ZNF732: variants seen among roughly 807,000 people sequenced by gnomAD.
The protein encoded by ZNF732 is zinc finger protein LOC654254.
A neutral mutation model predicts 11.5 loss-of-function variants in ZNF732; 12 were observed. The observed-to-expected ratio is 1.05, with a 90% confidence interval of 0.67 to 1.70. The LOEUF (loss-of-function observed/expected upper bound fraction) is 1.70, where lower values mean the gene tolerates loss of function less well. Among genes scored for constraint, ZNF732 ranks in the 40% most tolerant of loss-of-function variants. ZNF732 has a pLI of 0.00. For missense variants in ZNF732, 702 were observed against 676.9 expected, an observed-to-expected ratio of 1.04 and a Z score of -0.41; for synonymous variants, 231 against 236.5, an observed-to-expected ratio of 0.98 and a Z score of 0.21.
intron 3 of ZNF732, among the ~76,000 whole-genome samples, chr4:286,564 A>C (rs7697560): frequency 0.015 from 2,239 of 152,358 alleles, 63 homozygotes; most frequent in African/African-American, 0.052. Context: ...AGTGCTATGT[A>C]ATTCCACTTA....
At chr4:283,002 G>A (rs943429113) in intron 3 of ZNF732, among the ~76,000 whole-genome samples, 13 of 152,222 alleles carry the variant, frequency 8.5e-5, no homozygotes, top group African/African-American at 2.9e-4. Flanking sequence ...AAATCACATT[G>A]CTATGGTTTG....
chr4:294,338 C>T (rs1160454154), intron 3 of ZNF732, among the ~76,000 whole-genome samples: 1 of 152,174 alleles, frequency 6.6e-6, no homozygotes, highest in Non-Finnish European at 1.5e-5. Flanking sequence ...TGCTTCACTT[C>T]GTTTCCAAGA....
chr4:295,426 A>G lies in ZNF732; in HGVS notation c.226+12T>C. 2 of 1,594,906 alleles carry G rather than the reference A, an allele frequency of 1.3e-6. No homozygotes were observed. Among genetic ancestry groups the G allele is most frequent in the Non-Finnish European group, 1.7e-6 (2 of 1,169,874 alleles). On this transcript the variant is annotated intron_variant, in intron 3 of 3. Coordinates refer to ENST00000419098, the MANE Select transcript of ZNF732 (RefSeq NM_001137608.3). Reference sequence around the variant, plus strand: ...CTGGCCTGTGTCCTCTCCTTCATTCACTGTCACCTACCTGGGTGTTTGGCT... The same window carrying G: ...CTGGCCTGTGTCCTCTCCTTCATTCGCTGTCACCTACCTGGGTGTTTGGCT...
At chr4:279,566 A>C (rs1719575973) in intron 3 of ZNF732, among the ~76,000 whole-genome samples, 1 of 152,164 alleles carries the variant, frequency 6.6e-6, no homozygotes, top group African/African-American at 2.4e-5. Context: ...GAAGAGAAAA[A>C]AATGGCAGTT....
chr4:282,113 A>G (rs6810785), intron 3 of ZNF732, among the ~76,000 whole-genome samples: 9,189 of 152,258 alleles, frequency 0.06, 462 homozygotes, highest in African/African-American at 0.14. Context: ...GGAAAAATCA[A>G]CAAACTTAAA....
intron 3 of ZNF732, among the ~76,000 whole-genome samples, chr4:276,527 TCA>T (rs1470806347): frequency 2.0e-5 from 3 of 151,850 alleles, no homozygotes; most frequent in South Asian, 2.1e-4. Flanking sequence ...GTTTCTTAAA[TCA>T]CAAAGACATG....
rs187531435 is a variant in ZNF732, at chr4:278,183, G to A, written c.227-5553C>T. Among the ~76,000 whole-genome samples, 7 of 152,230 alleles carry A rather than the reference G, an allele frequency of 4.6e-5. No individual in the cohort carries two copies. In the East Asian group the frequency reaches 1.4e-3, roughly 29 times the overall value. On this transcript the variant is annotated intron_variant, in intron 3 of 3. Coordinates refer to ENST00000419098, the MANE Select transcript of ZNF732 (RefSeq NM_001137608.3). ...ATCTAATATAAACATTTATGAGGAA[G>A]GCTTTATGCAACTAGTCTCAACAAT...
At chr4:293,178 G>A (rs1719876545) in intron 3 of ZNF732, among the ~76,000 whole-genome samples, 1 of 143,468 alleles carries the variant, frequency 7.0e-6, no homozygotes, top group African/African-American at 2.6e-5. Flanking sequence ...TTAGCACCTT[G>A]AAGAAATATC....
intron 1 of ZNF732, among the ~76,000 whole-genome samples, chr4:298,897 A>C (rs1410243011): frequency 6.6e-6 from 1 of 152,124 alleles, no homozygotes; most frequent in Non-Finnish European, 1.5e-5. Context: ...CACTTAACAG[A>C]TTCTGCCACA....
At chr4:284,785 C>T (rs913391365) in intron 3 of ZNF732, among the ~76,000 whole-genome samples, 8 of 146,882 alleles carry the variant, frequency 5.4e-5, no homozygotes, top group Admixed American at 1.4e-4. Context: ...GCAGAAGAAT[C>T]GCTTGAACCC....
intron 3 of ZNF732, among the ~76,000 whole-genome samples, chr4:295,170 C>A (rs1719920326): frequency 6.6e-6 from 1 of 152,194 alleles, no homozygotes; most frequent in South Asian, 2.1e-4. Context: ...GAACAGCAGT[C>A]AGATCATGCA....
intron 1 of ZNF732, among the ~76,000 whole-genome samples, chr4:302,423 G>A (rs1720137199): frequency 6.6e-6 from 1 of 152,134 alleles, no homozygotes; most frequent in South Asian, 2.1e-4. Context: ...TAGAAGACAT[G>A]ACAGCACCAT....
chr4:285,901 G>A (rs868988443), intron 3 of ZNF732, among the ~76,000 whole-genome samples: 25 of 152,284 alleles, frequency 1.6e-4, no homozygotes, highest in African/African-American at 5.5e-4. Context: ...CACCATGCCC[G>A]GCTAATGTTT....
intron 1 of ZNF732, among the ~76,000 whole-genome samples, chr4:304,791 G>A (rs1010693301): frequency 8.5e-5 from 13 of 152,236 alleles, no homozygotes; most frequent in Non-Finnish European, 1.9e-4. Flanking sequence ...GGACTGGTGG[G>A]CAAGTTGGAG....
At chr4:295,849 G>A (rs1719939314) in intron 2 of ZNF732, among the ~76,000 whole-genome samples, 180 bp downstream of exon 2, 1 of 152,068 alleles carries the variant, frequency 6.6e-6, no homozygotes, top group Non-Finnish European at 1.5e-5. Flanking sequence ...AAAAGAGAAG[G>A]TTTACGTAAA....
chr4:275,411 T>C (rs1339513965), intron 3 of ZNF732, among the ~76,000 whole-genome samples: 1 of 150,388 alleles, frequency 6.6e-6, no homozygotes, highest in Non-Finnish European at 1.5e-5. Context: ...AATTCCCATA[T>C]TATATGGAAT....
At chr4:302,395 C>T (rs1275739506) in intron 1 of ZNF732, among the ~76,000 whole-genome samples, 18 of 152,082 alleles carry the variant, frequency 1.2e-4, no homozygotes, top group Admixed American at 1.1e-3. Flanking sequence ...AACACAGAAA[C>T]TCACCATAAT....
chr4:285,571 T>C (rs920150098), intron 3 of ZNF732, among the ~76,000 whole-genome samples: 1 of 152,130 alleles, frequency 6.6e-6, no homozygotes. Flanking sequence ...GAAATCACTT[T>C]ATAGCAAAAG....
At chr4:278,303 G>A (rs1052211464) in intron 3 of ZNF732, among the ~76,000 whole-genome samples, 7 of 152,126 alleles carry the variant, frequency 4.6e-5, no homozygotes, top group African/African-American at 1.4e-4. Flanking sequence ...AAAAATATCC[G>A]AGGCAGGACT....
Sources: gnomAD v4.1 joint callset for allele counts (sites outside exome capture counted in the v4.1 genomes callset) on GRCh38, gnomAD v4.1.1 for gene constraint, MANE v1.5 for transcripts, NCBI Gene and HGNC (gene_info 2026-07-23, HGNC 2026-07-21) for gene names.